The following NPAS3 variants were observed in gnomAD, a reference collection of about 807,000 sequenced individuals.
The protein encoded by NPAS3 is neuronal PAS domain protein 3.
NPAS3 carries 14 observed loss-of-function variants against 73.1 expected under a neutral mutation model. The observed-to-expected ratio is 0.19, with a 90% CI of 0.13 to 0.30. The LOEUF is 0.30. NPAS3 is among the 10% of genes least tolerant of loss of function. The probability of loss-of-function intolerance (pLI) is 1.00; values close to 1 mark genes in which losing one functional copy is unlikely to be tolerated. For missense variants in NPAS3, 1,096 were observed against 1,250.0 expected (o/e 0.88, Z 1.86); for synonymous variants, 620 against 541.5 (o/e 1.14, Z -2.01).
intron 3 of NPAS3, among the ~76,000 whole-genome samples, chr14:33,302,679 C>T (rs906406412): frequency 1.3e-5 from 2 of 152,176 alleles, no homozygotes; most frequent in Admixed American, 1.3e-4. Flanking sequence ...TGGCTTTATT[C>T]CCACAGTCTA....
intron 2 of NPAS3, among the ~76,000 whole-genome samples, chr14:33,132,175 C>G (rs1350077312): frequency 6.6e-6 from 1 of 151,992 alleles, no homozygotes; most frequent in Non-Finnish European, 1.5e-5. Flanking sequence ...GCATGAAGAC[C>G]TTGGATTAGG....
chr14:33,416,009 A>G (rs892810422), intron 4 of NPAS3, among the ~76,000 whole-genome samples: 27 of 152,114 alleles, frequency 1.8e-4, no homozygotes, highest in Admixed American at 7.2e-4. Flanking sequence ...TTCAAATTCT[A>G]TAAAGCTCTG....
Position 33,090,540 on chromosome 14 carries a change from A to G in NPAS3, c.140+34546A>G, listed in dbSNP as rs183789141. ...ACAAAGAGACTTAGACTCCCACACA[A>G]TAATAATGGGAGACTTCAACACCCC... On this transcript the variant is annotated intron_variant, in intron 2 of 11. Transcript: ENST00000356141. Among the ~76,000 whole-genome samples, 138 of 152,290 alleles carry G rather than the reference A, an allele frequency of 9.1e-4. 1 individual carries two copies. Among genetic ancestry groups the G allele is most frequent in the African/African-American group, 3.1e-3 (128 of 41,568 alleles).
rs199955996 is a variant in NPAS3, at chr14:33,481,791, T to TA, written c.469-78321dup. 7.2e-3 allele frequency among the ~76,000 whole-genome samples: 1,090 copies of TA among 150,402 alleles called. 19 individuals carry two copies. The highest frequency in any genetic ancestry group is 0.025 in the African/African-American group (1,027 of 41,010). Reference sequence around the variant, plus strand: ...TTCAGTTATAAAAAAATCAAAAAAATAAAAAAAAATAGGAGGTGGTTTGGG... The same window carrying TA: ...TTCAGTTATAAAAAAATCAAAAAAATAAAAAAAAAATAGGAGGTGGTTTGGG... On this transcript the variant is annotated intron_variant, in intron 4 of 11. Coordinates refer to ENST00000356141, the Ensembl canonical transcript of NPAS3.
intron 4 of NPAS3, among the ~76,000 whole-genome samples, chr14:33,445,982 C>T (rs576073419): frequency 6.7e-6 from 1 of 150,076 alleles, no homozygotes; most frequent in Non-Finnish European, 1.5e-5. Context: ...ATGGTCAGTG[C>T]CATTTACAGT....
rs143679679 is a variant in NPAS3 at position 33,371,192 on chromosome 14, G to A, written c.468+3924G>A. 5.5e-3 allele frequency among the ~76,000 whole-genome samples: 837 copies of A among 152,240 alleles called. 14 individuals carry two copies. The highest frequency in any genetic ancestry group is 0.019 in the African/African-American group (796 of 41,538). ...GAGGAAGGAATAGTAATAATGTCAA[G>A]GTAGCTAAGGATAAATCCTTTAGTA... On this transcript the variant is annotated intron_variant, in intron 4 of 11. Coordinates refer to ENST00000356141, the Ensembl canonical transcript of NPAS3.
At position 33,178,295 on chromosome 14, in the gene NPAS3, G is replaced by A. The variant is rs1046806614; in HGVS notation, c.141-36887G>A. 2.9e-4 allele frequency among the ~76,000 whole-genome samples: 44 copies of A among 151,872 alleles called. 1 individual carries two copies. Among genetic ancestry groups the A allele is most frequent in the Admixed American group, 2.8e-3 (43 of 15,232 alleles). The stretch of plus-strand genomic sequence containing the variant: ...TCACCATGTTGGCCAGGATGGTCTC[G>A]ATCTCTTGACCTCGTGATCTGCCTG... On this transcript the variant is annotated intron_variant, in intron 2 of 11. Transcript: ENST00000356141.
chr14:33,310,166 G>T (rs1245504767), intron 3 of NPAS3, among the ~76,000 whole-genome samples: 3 of 152,164 alleles, frequency 2.0e-5, no homozygotes, highest in African/African-American at 7.2e-5. Context: ...CTCCACCCTG[G>T]TTGGAGTTTA....
At chr14:33,565,765 G>A (rs1413318368) in intron 5 of NPAS3, among the ~76,000 whole-genome samples, 2 of 152,132 alleles carry the variant, frequency 1.3e-5, no homozygotes, top group Non-Finnish European at 2.9e-5. Context: ...CCAAGTGTTA[G>A]CATTTTTGCA....
chr14:33,580,103 C>T (rs764661663), intron 5 of NPAS3, among the ~76,000 whole-genome samples: 1 of 152,184 alleles, frequency 6.6e-6, no homozygotes, highest in South Asian at 2.1e-4. Context: ...TTTATAGACT[C>T]TCTGGCTATG....
At chr14:33,411,980 C>G (rs1434680150) in intron 4 of NPAS3, among the ~76,000 whole-genome samples, 1 of 152,122 alleles carries the variant, frequency 6.6e-6, no homozygotes, top group East Asian at 1.9e-4. Flanking sequence ...TATTGTATAA[C>G]TCAATGTACA....
At chr14:33,411,103 C>T (rs2047903783) in intron 4 of NPAS3, among the ~76,000 whole-genome samples, 1 of 152,178 alleles carries the variant, frequency 6.6e-6, no homozygotes. Context: ...ATCAAGTTTC[C>T]ATCTAGATTC....
chr14:33,363,292 AC>A (rs1424076969), intron 3 of NPAS3, among the ~76,000 whole-genome samples: 9 of 152,138 alleles, frequency 5.9e-5, no homozygotes, highest in Non-Finnish European at 1.2e-4. Flanking sequence ...ATTCTCAGAG[AC>A]CACCGTGTGA....
At chr14:33,724,118 A>G (rs2061194833) in intron 6 of NPAS3, among the ~76,000 whole-genome samples, 1 of 152,190 alleles carries the variant, frequency 6.6e-6, no homozygotes, top group South Asian at 2.1e-4. Context: ...AGACATATGC[A>G]TTTATGTATA....
At chr14:33,454,183 T>C (rs1341298885) in intron 4 of NPAS3, among the ~76,000 whole-genome samples, 4 of 152,240 alleles carry the variant, frequency 2.6e-5, no homozygotes, top group Admixed American at 2.6e-4. Context: ...ATGTTTTCTA[T>C]ATTTACAGTG....
At chr14:33,774,605 G>A in intron 8 of NPAS3, 75 bp downstream of exon 8, 1 of 1,199,428 alleles carries the variant, frequency 8.3e-7, no homozygotes, top group Non-Finnish European at 1.2e-6. Context: ...CCGTCTGAAG[G>A]ATGGTACTCT....
At chr14:33,387,168 TC>T (rs754422656) in intron 4 of NPAS3, among the ~76,000 whole-genome samples, 1 of 152,180 alleles carries the variant, frequency 6.6e-6, no homozygotes, top group Non-Finnish European at 1.5e-5. Flanking sequence ...ACATTTATAT[TC>T]CTTTTGCACC....
At chr14:33,343,189 G>C (rs988481864) in intron 3 of NPAS3, among the ~76,000 whole-genome samples, 7 of 152,078 alleles carry the variant, frequency 4.6e-5, no homozygotes, top group African/African-American at 1.7e-4. Flanking sequence ...TGTGTTTTGT[G>C]GGGTGATTTC....
At chr14:33,496,951 A>G (rs1483168082) in intron 4 of NPAS3, among the ~76,000 whole-genome samples, 2 of 152,166 alleles carry the variant, frequency 1.3e-5, no homozygotes, top group African/African-American at 4.8e-5. Flanking sequence ...AGAAAACCCC[A>G]TCATCTCAGC....
Sources: allele counts gnomAD v4.1 joint callset (sites outside exome capture counted in the v4.1 genomes callset), GRCh38; gene constraint gnomAD v4.1.1; transcripts MANE v1.5; gene names NCBI Gene and HGNC (gene_info 2026-07-23, HGNC 2026-07-21).